RCBTB2: variants seen among roughly 807,000 people sequenced by gnomAD.
The protein encoded by RCBTB2 is RCC1 and BTB domain containing protein 2.
Under a neutral mutation model 65.4 loss-of-function variants are expected in RCBTB2, and 55 were observed. The observed-to-expected ratio is 0.84, with a 90% CI of 0.68 to 1.05. The LOEUF (loss-of-function observed/expected upper bound fraction) is 1.05. Ranked by LOEUF, RCBTB2 falls within the 50% of genes least tolerant of loss-of-function variation. RCBTB2 has a pLI of 0.00. For missense variants in RCBTB2, 599 were observed against 680.1 expected, an observed-to-expected ratio of 0.88 and a Z score of 1.33; for synonymous variants, 220 against 255.2, an observed-to-expected ratio of 0.86 and a Z score of 1.31.
chr13:48,528,022 T>TAAAA (rs1003782460), intron 1 of RCBTB2, among the ~76,000 whole-genome samples: 1 of 152,198 alleles, frequency 6.6e-6, no homozygotes, highest in Non-Finnish European at 1.5e-5. Context: ...ACCTCTGACC[T>TAAAA]AAAAAATGAG....
chr13:48,490,377 G>T, intron 14 of RCBTB2, 126 bp from the exon 15 acceptor site: 1 of 716,422 alleles, frequency 1.4e-6, no homozygotes, highest in Non-Finnish European at 2.3e-6. Context: ...AGGAAATGAT[G>T]GCATGGTAAT....
rs748459132 is a variant in RCBTB2, at chr13:48,511,764, A to T, written c.783+6T>A. On this transcript the variant is annotated splice_donor_region_variant and intron_variant, in intron 9 of 14. Coordinates refer to ENST00000344532, the MANE Select transcript of RCBTB2 (RefSeq NM_001268.4). ...ATACACGCACACAAACTGACAGTGG[A>T]CGTACCCTCTGGACACGGATGCCTT... The T allele has an allele frequency of 9.9e-6, 16 of 1,612,092 alleles. No individual in the cohort carries two copies. The highest frequency in any genetic ancestry group is 2.7e-5 in the African/African-American group (2 of 74,846).
chr13:48,513,565 T>G (rs956044606), intron 6 of RCBTB2, among the ~76,000 whole-genome samples: 4 of 152,234 alleles, frequency 2.6e-5, no homozygotes, highest in Non-Finnish European at 5.9e-5. Context: ...GACTTCTCAT[T>G]TATCTTCTGG....
At chr13:48,524,258 G>A (rs901046341) in intron 2 of RCBTB2, among the ~76,000 whole-genome samples, 3 of 151,944 alleles carry the variant, frequency 2.0e-5, no homozygotes, top group Non-Finnish European at 4.4e-5. Flanking sequence ...ACAATATGTT[G>A]ATATATATAC....
chr13:48,534,296 G>GA (rs546406685), upstream of RCBTB2, among the ~76,000 whole-genome samples: 2 of 152,280 alleles, frequency 1.3e-5, no homozygotes, highest in Non-Finnish European at 2.9e-5. Context: ...TTTGCTCTCA[G>GA]AAAAAGCTCA....
intron 1 of RCBTB2, among the ~76,000 whole-genome samples, chr13:48,526,428 T>C (rs9316394): frequency 0.45 from 68,337 of 152,006 alleles, 20,034 homozygotes; most frequent in African/African-American, 0.85. Flanking sequence ...CCCAGCTACT[T>C]GGGAGGCTAA....
chr13:48,493,307 A>ACTCT (rs1483026433), intron 14 of RCBTB2, among the ~76,000 whole-genome samples: 13 of 63,172 alleles, frequency 2.1e-4, no homozygotes, highest in South Asian at 6.2e-4. Flanking sequence ...ACACACACAC[A>ACTCT]CACACACACT....
At chr13:48,504,021 T>C (rs1294369863) in intron 10 of RCBTB2, among the ~76,000 whole-genome samples, 1 of 152,188 alleles carries the variant, frequency 6.6e-6, no homozygotes, top group Non-Finnish European at 1.5e-5. Context: ...CTCAGAGACT[T>C]AGGCTCAGAA....
intron 5 of RCBTB2, 92 bp downstream of exon 5, chr13:48,515,494 T>A (rs1951033574): frequency 1.5e-6 from 2 of 1,308,448 alleles, no homozygotes; most frequent in South Asian, 1.5e-5. Context: ...CTTTTTTTTT[T>A]AACCTTTTAT....
chr13:48,494,133 T>A (rs952451220), intron 14 of RCBTB2, among the ~76,000 whole-genome samples: 1 of 152,212 alleles, frequency 6.6e-6, no homozygotes, highest in Non-Finnish European at 1.5e-5. Flanking sequence ...GGATCTAATA[T>A]AATAATGCCT....
At position 48,502,738 on chromosome 13, in the gene RCBTB2, C is replaced by T. The variant is rs756514246; in HGVS notation, c.1103G>A (p.Arg368His). Residue 368 changes from arginine to histidine, a missense_variant, in exon 11 of 15, where the codon CGC (arginine) becomes CAC (histidine). Arg to His is a conservative substitution (Grantham distance 29, BLOSUM62 0). Coordinates refer to ENST00000344532, the MANE Select transcript of RCBTB2 (RefSeq NM_001268.4). ...GACCAGCTTACCCACGGAGAGGAGG[C>T]GCCACGTGACGGCGGGCGTGGCAAA... is the stretch of plus-strand genomic sequence containing the variant. ...ACFATPAVTWRLLSVEPDDHL... is the reference protein window; with the variant it reads ...ACFATPAVTWHLLSVEPDDHL... The T allele has an allele frequency of 6.8e-6, 11 of 1,611,320 alleles. No homozygotes were observed. Among genetic ancestry groups the T allele is most frequent in the East Asian group, 4.5e-5 (2 of 44,770 alleles).
At chr13:48,493,540 C>G (rs915953516) in intron 14 of RCBTB2, among the ~76,000 whole-genome samples, 1 of 151,910 alleles carries the variant, frequency 6.6e-6, no homozygotes, top group East Asian at 1.9e-4. Flanking sequence ...CTCCCACACA[C>G]GCCACTGTGC....
intron 9 of RCBTB2, 26 bp from the exon 10 acceptor site, chr13:48,510,797 A>G: frequency 6.3e-7 from 1 of 1,589,284 alleles, no homozygotes; most frequent in South Asian, 1.1e-5. Flanking sequence ...TCCACTCAGG[A>G]CTGCAAATAT....
chr13:48,503,074 C>T (rs1434021631), intron 10 of RCBTB2, among the ~76,000 whole-genome samples, 160 bp from the exon 11 acceptor site: 1 of 152,184 alleles, frequency 6.6e-6, no homozygotes, highest in Non-Finnish European at 1.5e-5. Flanking sequence ...ATGACTCATA[C>T]ACCTCATCTC....
rs146429069 is a variant in RCBTB2 at position 48,515,647 on chromosome 13, C to T, written c.137G>A (p.Arg46His). 21 of 1,613,782 alleles carry T rather than the reference C, an allele frequency of 1.3e-5. No individual in the cohort carries two copies. Among genetic ancestry groups the T allele is most frequent in the East Asian group, 4.5e-5 (2 of 44,886 alleles). ...AGCACTGCCAAAGACACAAGCCTGA[C>T]GAATTAACTGTAGTTCTTCTTCAGA... is the stretch of plus-strand genomic sequence containing the variant. Reference protein sequence around the residue: ...LCSEEELQLIRQACVFGSAGN... With the variant: ...LCSEEELQLIHQACVFGSAGN... Residue 46 changes from arginine (R) to histidine (H), a missense_variant, in exon 5 of 15, where the codon CGT (arginine) becomes CAT (histidine). Transcript: ENST00000344532.
At chr13:48,501,921 A>T in intron 11 of RCBTB2, 53 bp from the exon 12 acceptor site, 1 of 1,568,334 alleles carries the variant, frequency 6.4e-7, no homozygotes, top group Non-Finnish European at 8.7e-7. Flanking sequence ...TAATGAACAC[A>T]CAGGACAGGA....
At chr13:48,493,978 C>G (rs1317026060) in intron 14 of RCBTB2, among the ~76,000 whole-genome samples, 1 of 152,150 alleles carries the variant, frequency 6.6e-6, no homozygotes, top group Non-Finnish European at 1.5e-5. Context: ...CTCCTGATTT[C>G]AAAATACTGA....
At chr13:48,504,455 TTC>T in intron 10 of RCBTB2, 1 of 510,972 alleles carries the variant, frequency 2.0e-6, no homozygotes, top group Non-Finnish European at 2.5e-6. Flanking sequence ...TTCAGGAATG[TTC>T]TTTCTCTCTG....
chr13:48,530,166 C>G (rs774570947), intron 1 of RCBTB2, among the ~76,000 whole-genome samples: 1 of 152,030 alleles, frequency 6.6e-6, no homozygotes, highest in African/African-American at 2.4e-5. Context: ...TCCCCCAAAG[C>G]GCTGGGATTA....
Sources: allele counts gnomAD v4.1 joint callset (sites outside exome capture counted in the v4.1 genomes callset), GRCh38; gene constraint gnomAD v4.1.1; transcripts MANE v1.5; gene names NCBI Gene and HGNC (gene_info 2026-07-23, HGNC 2026-07-21).